MINK1: variants seen among roughly 807,000 people sequenced by gnomAD.
MINK1 encodes misshapen like kinase 1, also known as misshapen-like kinase 1.
In MINK1, 46 loss-of-function variants were observed where a neutral mutation model predicts 178.4. That is an observed-to-expected ratio of 0.26 (90% CI 0.20 to 0.33). The LOEUF (loss-of-function observed/expected upper bound fraction) is 0.33. Ranked by LOEUF, MINK1 falls within the 10% of genes least tolerant of loss-of-function variation. The pLI, the probability that MINK1 is intolerant of heterozygous loss-of-function variation, is 1.00. For synonymous variants in MINK1, 797 were observed against 709.7 expected (o/e 1.12, Z -1.96); for missense variants, 1,366 against 1,814.9 (o/e 0.75, Z 4.49).
chr17:4,880,835 G>C (rs1310847190), intron 2 of MINK1, 149 bp from the exon 3 acceptor site: 16 of 650,626 alleles, frequency 2.5e-5, no homozygotes, highest in Non-Finnish European at 1.9e-5. Context: ...GGGAGGTGGA[G>C]CAGGCAGTGA....
chr17:4,879,437 CCTT>C (rs1468973762), intron 2 of MINK1, among the ~76,000 whole-genome samples: 2 of 152,338 alleles, frequency 1.3e-5, no homozygotes, highest in African/African-American at 4.8e-5. Flanking sequence ...CTCTTACACT[CCTT>C]CTCTTGCAAA....
chr17:4,895,217 C>T lies in MINK1; in HGVS notation c.3060C>T (p.Ser1020=), dbSNP rs114096686. The change falls in exon 25 of 32, where the codon TCC becomes TCT. Residue 1020 remains serine (S), a synonymous_variant. Coordinates refer to ENST00000355280, the MANE Select transcript of MINK1 (RefSeq NM_153827.5). The surrounding 1 kb of genome is among the most constrained non-coding windows in gnomAD (Gnocchi z 4.3). ...GGAAGTACAAGAAGCGATTCAACTCCGAGATCCTCTGTGCAGCCCTTTGGG... is the reference window on the plus strand; with the variant it reads ...GGAAGTACAAGAAGCGATTCAACTCTGAGATCCTCTGTGCAGCCCTTTGGG... ...EIRKYKKRFN[S]EILCAALWGV... 3.0e-4 allele frequency: 479 copies of T among 1,614,148 alleles called. No homozygotes were observed. The African/African-American group carries it at 3.5e-3, about 12-fold the overall frequency.
At chr17:4,891,796 A>C in intron 16 of MINK1, 80 bp downstream of exon 16, 3 of 1,480,560 alleles carry the variant, frequency 2.0e-6, no homozygotes, top group Non-Finnish European at 2.7e-6. Context: ...GGCAGGCCAC[A>C]TGGAGGAAGA....
At chr17:4,897,005 C>A in intron 31 of MINK1, 192 bp downstream of exon 31, 1 of 957,988 alleles carries the variant, frequency 1.0e-6, no homozygotes, top group Non-Finnish European at 1.5e-6. Flanking sequence ...CAGCTGGCCC[C>A]CAGGGGGCGA....
intron 1 of MINK1, chr17:4,860,867 C>G (rs1295570175): frequency 2.0e-6 from 1 of 497,300 alleles, no homozygotes; most frequent in Non-Finnish European, 4.0e-6. Context: ...GGAGCAACTT[C>G]GGGAAGCTTT....
At chr17:4,893,139 AG>A (rs1293580350) in intron 20 of MINK1, 72 bp downstream of exon 20, 1 of 1,514,058 alleles carries the variant, frequency 6.6e-7, no homozygotes, top group Admixed American at 1.9e-5. Context: ...GCTGGGTGTC[AG>A]GGGTGGGGTC....
At chr17:4,837,618 T>C (rs1909505749) in intron 1 of MINK1, among the ~76,000 whole-genome samples, 1 of 152,222 alleles carries the variant, frequency 6.6e-6, no homozygotes, top group Non-Finnish European at 1.5e-5. Flanking sequence ...TCTTGGCTTC[T>C]CACAAAGGAT....
chr17:4,895,104 G>A lies in MINK1; in HGVS notation c.2947G>A (p.Asp983Asn), dbSNP rs755386461. The A allele has an allele frequency of 1.5e-5, 25 of 1,613,556 alleles. No individual in the cohort carries two copies. The highest frequency in any genetic ancestry group is 7.7e-5 in the South Asian group (7 of 91,068). Reference protein sequence around the residue: ...ALVGGEGTRLDQLQYDVRKGS... With the variant: ...ALVGGEGTRLNQLQYDVRKGS... The stretch of plus-strand genomic sequence containing the variant: ...AGTGGGTGGAGAGGGCACTCGGCTC[G>A]ACCAGCTGCAGTACGACGTGAGGAA... Residue 983 changes from aspartate to asparagine, a missense_variant, in exon 25 of 32, where the codon GAC (aspartate) becomes AAC (asparagine). Transcript: ENST00000355280. The surrounding 1 kb of genome is among the most constrained non-coding windows in gnomAD (Gnocchi z 4.3).
Position 4,895,510 on chromosome 17 carries a change from T to C in MINK1, c.3229+17T>C, listed in dbSNP as rs756027852. 1 of 1,559,448 alleles carries C rather than the reference T, an allele frequency of 6.4e-7. No individual in the cohort carries two copies. The highest frequency in any genetic ancestry group is 8.7e-7 in the Non-Finnish European group (1 of 1,148,902). The stretch of plus-strand genomic sequence containing the variant: ...CCATCTCAGGTACAGGTGTGGTGAG[T>C]GGGGGAGGGAGGAGGGGCTCAGCTC... On this transcript the variant is annotated intron_variant, in intron 26 of 31. Coordinates refer to ENST00000355280, the MANE Select transcript of MINK1 (RefSeq NM_153827.5). This position sits in a 1 kb window ranked among gnomAD's most constrained non-coding sequence, Gnocchi z 4.3.
chr17:4,881,787 G>A (rs991306915), intron 4 of MINK1, among the ~76,000 whole-genome samples: 1 of 152,232 alleles, frequency 6.6e-6, no homozygotes, highest in African/African-American at 2.4e-5. Context: ...CCTCCTGCCT[G>A]GCCCAGAACA....
chr17:4,883,525 T>G (rs1967912770), intron 4 of MINK1, among the ~76,000 whole-genome samples: 1 of 150,184 alleles, frequency 6.7e-6, no homozygotes, highest in Non-Finnish European at 1.5e-5. Context: ...TATTTTGTTT[T>G]GGGTTTTTTG....
At chr17:4,867,479 G>C (rs1020555818) in intron 1 of MINK1, among the ~76,000 whole-genome samples, 6 of 151,734 alleles carry the variant, frequency 4.0e-5, no homozygotes, top group African/African-American at 1.5e-4. Flanking sequence ...GTGAGACCTA[G>C]CTCTAAAAAA....
chr17:4,885,114 GCTCACTCC>G lies in MINK1; in HGVS notation c.508+116_508+123del. On this transcript the variant is annotated intron_variant, in intron 6 of 31. Transcript: ENST00000355280. This position sits in a 1 kb window ranked among gnomAD's most constrained non-coding sequence, Gnocchi z 5.0. The stretch of plus-strand genomic sequence containing the variant: ...GCCCAACTCCCTTCCTACTGGGGAG[GCTCACTCC>G]CTCCCCTTTCCCCTCTCCCCCTGGA... The G allele has an allele frequency of 1.0e-6, 1 of 960,512 alleles. No homozygotes were observed. The highest frequency in any genetic ancestry group is 1.6e-6 in the Non-Finnish European group (1 of 627,982). The allele number at this position is 960,512 out of a possible 1,614,324, so 59.5% of individuals were successfully genotyped here. A position where few individuals can be genotyped will look rare whatever the true frequency, so the allele number is the denominator to read the frequency against.
intron 1 of MINK1, chr17:4,859,127 C>T: frequency 1.0e-6 from 1 of 985,444 alleles, no homozygotes; most frequent in South Asian, 4.7e-5. Context: ...CATTGCTGGG[C>T]TCGAAGCACA....
rs188034729 is a variant in MINK1 at position 4,868,566 on chromosome 17, C to G, written c.58-9751C>G. 4.5e-4 allele frequency among the ~76,000 whole-genome samples: 68 copies of G among 152,204 alleles called. No homozygotes were observed. The Middle Eastern group carries it at 0.02, about 46-fold the overall frequency. ...TTAACATAATATCCTCTGGGCTCTT[C>G]CATGTTGCTGCAAGTGGACAGATTT... On this transcript the variant is annotated intron_variant, in intron 1 of 31. Coordinates refer to ENST00000355280, the MANE Select transcript of MINK1 (RefSeq NM_153827.5).
rs1011020105 is a variant in MINK1, at chr17:4,877,338, CT to C, written c.58-977del. ...TTGTTTGAGCCCTTCGGGCTGTCTC[CT>C]TCTGGCACTGCTTGGCTCAGAAAAG... On this transcript the variant is annotated intron_variant, in intron 1 of 31. Coordinates refer to ENST00000355280, the MANE Select transcript of MINK1 (RefSeq NM_153827.5). 1.2e-4 allele frequency among the ~76,000 whole-genome samples: 18 copies of C among 152,212 alleles called. 1 individual carries two copies. The highest frequency in any genetic ancestry group is 4.3e-4 in the African/African-American group (18 of 41,462).
At chr17:4,848,561 C>T (rs1182645949) in intron 1 of MINK1, among the ~76,000 whole-genome samples, 1 of 152,194 alleles carries the variant, frequency 6.6e-6, no homozygotes, top group East Asian at 1.9e-4. Context: ...GGGGTTTCAC[C>T]GTGTTAGCCA....
chr17:4,879,683 G>A (rs1231362934), intron 2 of MINK1, among the ~76,000 whole-genome samples: 1 of 152,200 alleles, frequency 6.6e-6, no homozygotes, highest in East Asian at 1.9e-4. Context: ...CTCCCACTGG[G>A]AATTTCAGAA....
chr17:4,886,984 G>A lies in MINK1; in HGVS notation c.950-126G>A. On this transcript the variant is annotated intron_variant, in intron 10 of 31. Coordinates refer to ENST00000355280, the MANE Select transcript of MINK1 (RefSeq NM_153827.5). This position sits in a 1 kb window ranked among gnomAD's most constrained non-coding sequence, Gnocchi z 6.1. ...ACCCGCTGTCCTCCCATTGCCCCCA[G>A]GAAGTGGGTGGGGCCCCTCATGCTT... is the stretch of plus-strand genomic sequence containing the variant. 1 of 901,686 alleles carries A rather than the reference G, an allele frequency of 1.1e-6. No homozygotes were observed. Among genetic ancestry groups the A allele is most frequent in the Non-Finnish European group, 1.7e-6 (1 of 584,730 alleles). 55.9% of individuals were successfully genotyped at this position (901,686 alleles called of 1,614,324 possible).
Sources: gnomAD v4.1 joint callset for allele counts (sites outside exome capture counted in the v4.1 genomes callset) on GRCh38, gnomAD v4.1.1 for gene constraint, Gnocchi (gnomAD v3.1) non-coding constraint, MANE v1.5 for transcripts, NCBI Gene and HGNC (gene_info 2026-07-23, HGNC 2026-07-21) for gene names.